The following DNAH5 variants were observed in gnomAD, a reference collection of about 807,000 sequenced individuals.
DNAH5 encodes the protein axonemal beta dynein heavy chain 5.
DNAH5 carries 372 observed loss-of-function variants against 518.2 expected under a neutral mutation model. That is an observed-to-expected ratio of 0.72 (90% CI 0.66 to 0.78). DNAH5 has a LOEUF of 0.78. Among genes scored for constraint, DNAH5 ranks in the 30% least tolerant of loss-of-function variants. The pLI is 0.00. For missense variants in DNAH5, 5,523 were observed against 5,687.0 expected (o/e 0.97, Z 0.93); for synonymous variants, 2,039 against 2,025.9 (o/e 1.01, Z -0.17).
At chr5:13,732,050 T>C (rs571627169) in intron 68 of DNAH5, among the ~76,000 whole-genome samples, 1 of 151,082 alleles carries the variant, frequency 6.6e-6, no homozygotes, top group East Asian at 2.0e-4. Context: ...AGCCCAGGAG[T>C]TTGAGGTTAC....
chr5:13,842,471 GAAAGAA>G (rs1561407695), intron 32 of DNAH5, among the ~76,000 whole-genome samples: 1 of 108,744 alleles, frequency 9.2e-6, no homozygotes, highest in Non-Finnish European at 1.9e-5. Context: ...AAGAAAGAAA[GAAAGAA>G]AGAAAGAGAA....
At chr5:13,762,582 C>G (rs1751930605) in intron 60 of DNAH5, 140 bp downstream of exon 60, 2 of 741,004 alleles carry the variant, frequency 2.7e-6, no homozygotes, top group Non-Finnish European at 4.7e-6. Context: ...CATGCTTGGC[C>G]TTTCTATGCT....
At chr5:13,858,637 A>T (rs752450778) in intron 30 of DNAH5, among the ~76,000 whole-genome samples, 1 of 152,190 alleles carries the variant, frequency 6.6e-6, no homozygotes, top group Non-Finnish European at 1.5e-5. Flanking sequence ...CACAAATACA[A>T]ATCAAAAATA....
intron 61 of DNAH5, among the ~76,000 whole-genome samples, chr5:13,757,549 G>T (rs1751176787): frequency 6.6e-6 from 1 of 152,026 alleles, no homozygotes; most frequent in Admixed American, 6.6e-5. Context: ...TGACAAATGG[G>T]ATCTAATTAA....
At chr5:13,950,234 C>A (rs7704220) in intron 1 of DNAH5, among the ~76,000 whole-genome samples, 16 of 151,720 alleles carry the variant, frequency 1.1e-4, no homozygotes, top group Non-Finnish European at 2.4e-4. Flanking sequence ...AGTTTTTTTT[C>A]CTTTCCAGAT....
rs777697449 is a variant in DNAH5 at position 13,859,536 on chromosome 5, G to A, written c.4866C>T (p.Ile1622=). The stretch of plus-strand genomic sequence containing the variant: ...GGTTTTGCACCGTCATCCAGCTCTC[G>A]ATGATGTCTGTTGAGTTGGAAAGGT... ...VQYLSNSTDI[I]ESWMTVQNLW... is the part of the protein sequence containing the mutation. The change falls in exon 30 of 79, where the codon ATC becomes ATT. Residue 1622 remains isoleucine, a synonymous_variant. Transcript: ENST00000265104. The A allele has an allele frequency of 1.4e-5, 22 of 1,613,916 alleles. No individual in the cohort carries two copies. Among genetic ancestry groups the A allele is most frequent in the Middle Eastern group, 3.3e-4 (2 of 6,084 alleles).
rs762531071 is a variant in DNAH5, at chr5:13,762,910, G to A, written c.10102-9C>T. 1.2e-6 allele frequency: 2 copies of A among 1,611,760 alleles called. No homozygotes were observed. Among genetic ancestry groups the A allele is most frequent in the East Asian group, 4.5e-5 (2 of 44,866 alleles). ...GTGTCTTTTGGGAATTGCTATGGAA[G>A]AAAAGAGTAAAATAAAGTCGAAACA... On this transcript the variant is annotated splice_polypyrimidine_tract_variant and intron_variant, in intron 59 of 78. Transcript: ENST00000265104.
At chr5:13,849,746 T>G (rs1433842827) in intron 31 of DNAH5, among the ~76,000 whole-genome samples, 1 of 152,214 alleles carries the variant, frequency 6.6e-6, no homozygotes, top group Non-Finnish European at 1.5e-5. Flanking sequence ...AATAAATAAG[T>G]AATCCACATT....
At chr5:13,709,947 T>C (rs572702284) in intron 75 of DNAH5, among the ~76,000 whole-genome samples, 1 of 152,262 alleles carries the variant, frequency 6.6e-6, no homozygotes, top group African/African-American at 2.4e-5. Flanking sequence ...CCGGTTTCTC[T>C]TCATACTACC....
intron 21 of DNAH5, among the ~76,000 whole-genome samples, chr5:13,880,291 A>G (rs900806827): frequency 3.1e-4 from 47 of 152,332 alleles, no homozygotes; most frequent in African/African-American, 1.1e-3. Context: ...TCTTGCAGGA[A>G]ATGCTAAATG....
chr5:13,763,038 G>T, intron 59 of DNAH5, 137 bp from the exon 60 acceptor site: 1 of 788,614 alleles, frequency 1.3e-6, no homozygotes, highest in Non-Finnish European at 2.1e-6. Context: ...ACTATTTTAA[G>T]ATATGAGGCA....
chr5:13,882,613 G>T, intron 21 of DNAH5, 115 bp downstream of exon 21: 1 of 862,096 alleles, frequency 1.2e-6, no homozygotes, highest in Non-Finnish European at 1.9e-6. Flanking sequence ...TTGGCTCATA[G>T]ATTAATATTC....
In DNAH5 at chr5:13,944,529, A is replaced by G. The variant is rs924543021; in HGVS notation, c.-91T>C. On this transcript the variant is annotated 5_prime_UTR_variant, in exon 1 of 79. Transcript: ENST00000265104. Reference sequence around the variant, plus strand: ...TGCTCAACATCCAACAGGCTTCCAAATGGAAAGTTTTACTTCCATTTTACT... The same window carrying G: ...TGCTCAACATCCAACAGGCTTCCAAGTGGAAAGTTTTACTTCCATTTTACT... 1.8e-6 allele frequency: 2 copies of G among 1,122,262 alleles called. No individual in the cohort carries two copies. The highest frequency in any genetic ancestry group is 3.0e-5 in the African/African-American group (2 of 65,650). The allele number at this position is 1,122,262 out of a possible 1,614,324, so 69.5% of individuals were successfully genotyped here.
intron 56 of DNAH5, 77 bp from the exon 57 acceptor site, chr5:13,769,692 T>C (rs72732623): frequency 0.015 from 17,802 of 1,195,058 alleles, 161 homozygotes; most frequent in Non-Finnish European, 0.018. Context: ...GGTCCAATAA[T>C]GAGTGGTAAT....
In DNAH5 at chr5:13,850,808, T is replaced by C. The variant is rs934326211; in HGVS notation, c.4958A>G (p.Lys1653Arg). The C allele has an allele frequency of 1.2e-6, 2 of 1,614,174 alleles. No homozygotes were observed. The highest frequency in any genetic ancestry group is 1.7e-6 in the Non-Finnish European group (2 of 1,180,006). Residue 1653 changes from lysine (K) to arginine (R), a missense_variant, in exon 31 of 79, where the codon AAG (lysine) becomes AGG (arginine). Transcript: ENST00000265104. Reference sequence around the variant, plus strand: ...AGATTTATCTATGTTAGAAAACCGCTTGGCTTCCTATGAGAACAAGGTAAC... The same window carrying C: ...AGATTTATCTATGTTAGAAAACCGCCTGGCTTCCTATGAGAACAAGGTAAC... ...DIAKQLPKEA[K>R]RFSNIDKSWV...
intron 1 of DNAH5, among the ~76,000 whole-genome samples, chr5:13,943,203 T>C (rs1779622935): frequency 1.3e-5 from 2 of 152,228 alleles, no homozygotes; most frequent in African/African-American, 4.8e-5. Flanking sequence ...ATGTGAAATG[T>C]TTAATTCATT....
chr5:13,822,157 A>C (rs1286914414), intron 40 of DNAH5, among the ~76,000 whole-genome samples: 4 of 152,038 alleles, frequency 2.6e-5, no homozygotes, highest in African/African-American at 9.7e-5. Context: ...TATCACTCTT[A>C]CCTCATCAGA....
At chr5:13,973,347 G>A (rs577374699) in intron 1 of DNAH5, among the ~76,000 whole-genome samples, 1 of 152,334 alleles carries the variant, frequency 6.6e-6, no homozygotes, top group African/African-American at 2.4e-5. Context: ...CACTGTATGA[G>A]AATAAATTTG....
chr5:13,956,276 TA>T (rs1446693624), intron 1 of DNAH5, among the ~76,000 whole-genome samples: 5 of 152,246 alleles, frequency 3.3e-5, no homozygotes, highest in Non-Finnish European at 7.3e-5. Context: ...TATGCTGGGA[TA>T]TTTTTTAAAA....
Sources: allele counts gnomAD v4.1 joint callset (sites outside exome capture counted in the v4.1 genomes callset), GRCh38; gene constraint gnomAD v4.1.1; transcripts MANE v1.5; gene names NCBI Gene and HGNC (gene_info 2026-07-23, HGNC 2026-07-21).